The following ZNF609 variants were observed in gnomAD, a reference collection of about 807,000 sequenced individuals.
ZNF609 encodes zinc finger protein 609.
In ZNF609, 11 loss-of-function variants were observed where a neutral mutation model predicts 109.5. The observed-to-expected ratio is 0.10, with a 90% confidence interval of 0.06 to 0.17. The LOEUF (loss-of-function observed/expected upper bound fraction) is 0.17. Among genes scored for constraint, ZNF609 ranks in the 10% least tolerant of loss-of-function variants. The pLI is 1.00. For missense variants in ZNF609, 1,559 were observed against 1,772.4 expected (o/e 0.88, Z 2.16); for synonymous variants, 646 against 662.0 (o/e 0.98, Z 0.37).
At chr15:64,482,301 G>A (rs1487533548) in intron 1 of ZNF609, among the ~76,000 whole-genome samples, 1 of 151,834 alleles carries the variant, frequency 6.6e-6, no homozygotes, top group Middle Eastern at 3.2e-3. Flanking sequence ...AAATCCTCTA[G>A]AAAGTACAGA....
intron 2 of ZNF609, among the ~76,000 whole-genome samples, chr15:64,557,117 T>G (rs142426469): frequency 5.3e-5 from 8 of 152,176 alleles, no homozygotes; most frequent in African/African-American, 7.2e-5. Flanking sequence ...ATTTGGTATG[T>G]CACATATTAT....
chr15:64,529,488 C>G, intron 2 of ZNF609: 1 of 1,100,832 alleles, frequency 9.1e-7, no homozygotes, highest in Non-Finnish European at 1.4e-6. Flanking sequence ...CGTTCTCAGC[C>G]TTGACGGTGC....
At chr15:64,590,313 C>T (rs1331692371) in intron 2 of ZNF609, among the ~76,000 whole-genome samples, 2 of 152,108 alleles carry the variant, frequency 1.3e-5, no homozygotes, top group Non-Finnish European at 1.5e-5. Context: ...AAATTGATCT[C>T]TCTCTCTCTT....
At chr15:64,526,205 T>C (rs1186829087) in intron 2 of ZNF609, among the ~76,000 whole-genome samples, 8 of 151,998 alleles carry the variant, frequency 5.3e-5, no homozygotes, top group Admixed American at 1.3e-4. Flanking sequence ...TTCTTTTAGA[T>C]GTTATTTTAA....
At chr15:64,628,935 A>G (rs1415289088) in intron 3 of ZNF609, among the ~76,000 whole-genome samples, 3 of 151,812 alleles carry the variant, frequency 2.0e-5, no homozygotes, top group Non-Finnish European at 4.4e-5. Flanking sequence ...CCTGCTCACT[A>G]TTGTAATAAC....
chr15:64,515,526 T>A (rs1844723087), intron 2 of ZNF609, among the ~76,000 whole-genome samples: 1 of 152,168 alleles, frequency 6.6e-6, no homozygotes, highest in Non-Finnish European at 1.5e-5. Context: ...CTCTTGGTAT[T>A]TGCCCCTCAG....
intron 1 of ZNF609, among the ~76,000 whole-genome samples, chr15:64,482,645 T>A (rs1274055332): frequency 6.6e-6 from 1 of 152,144 alleles, no homozygotes; most frequent in Non-Finnish European, 1.5e-5. Context: ...GATTAAAGAT[T>A]GAGATGATTT....
intron 3 of ZNF609, among the ~76,000 whole-genome samples, chr15:64,624,563 C>G (rs961661977): frequency 3.9e-5 from 6 of 151,902 alleles, no homozygotes; most frequent in Non-Finnish European, 4.4e-5. Context: ...GTGAACCTAA[C>G]AAAAACTTTG....
At chr15:64,541,585 A>C (rs1420646259) in intron 2 of ZNF609, among the ~76,000 whole-genome samples, 1 of 151,858 alleles carries the variant, frequency 6.6e-6, no homozygotes, top group Non-Finnish European at 1.5e-5. Flanking sequence ...TCATGCCTGT[A>C]ATCCCAACAC....
At chr15:64,497,874 C>T (rs1893506987) in intron 1 of ZNF609, among the ~76,000 whole-genome samples, 1 of 149,690 alleles carries the variant, frequency 6.7e-6, no homozygotes, top group South Asian at 2.1e-4. Flanking sequence ...GCACTTGAGC[C>T]TGGGCAACAG....
At position 64,680,731 on chromosome 15, in the gene ZNF609, C is replaced by T. The variant is rs1896872232; in HGVS notation, c.4031C>T (p.Ala1344Val). Reference sequence around the variant, plus strand: ...GGCAGCTGTAGCAGCGTCGGGGGAGCAAGTGGGGGTGAACGGAGTGTTGAC... The same window carrying T: ...GGCAGCTGTAGCAGCGTCGGGGGAGTAAGTGGGGGTGAACGGAGTGTTGAC... The part of the protein sequence containing the change: ...GGGSCSSVGG[A>V]SGGERSVDRP... Residue 1344 changes from alanine (A) to valine (V), a missense_variant, in exon 8 of 10, where the codon GCA (alanine) becomes GTA (valine). Transcript: ENST00000326648. 12 of 1,613,036 alleles carry T rather than the reference C, an allele frequency of 7.4e-6. No homozygotes were observed. Among genetic ancestry groups the T allele is most frequent in the Non-Finnish European group, 1.0e-5 (12 of 1,179,880 alleles).
chr15:64,581,812 C>T (rs1895109269), intron 2 of ZNF609, among the ~76,000 whole-genome samples: 1 of 152,086 alleles, frequency 6.6e-6, no homozygotes, highest in East Asian at 1.9e-4. Flanking sequence ...TGTTGTAAGC[C>T]TTTGGTGTTA....
At chr15:64,487,200 C>G (rs1596380891) in intron 1 of ZNF609, among the ~76,000 whole-genome samples, 1 of 152,026 alleles carries the variant, frequency 6.6e-6, no homozygotes, top group African/African-American at 2.4e-5. Context: ...AGTCAAACAT[C>G]AAGTAATCTG....
chr15:64,599,177 T>G (rs902690319), intron 2 of ZNF609, among the ~76,000 whole-genome samples: 3 of 147,246 alleles, frequency 2.0e-5, no homozygotes, highest in Non-Finnish European at 3.0e-5. Flanking sequence ...GGTTTTTTTT[T>G]TTTTTTTTTT....
chr15:64,638,529 G>A (rs182647572), intron 3 of ZNF609, among the ~76,000 whole-genome samples: 317 of 151,930 alleles, frequency 2.1e-3, no homozygotes, highest in Non-Finnish European at 3.5e-3. Context: ...AAACTCAGCA[G>A]TTACTGAGGG....
chr15:64,483,568 T>C (rs999403169), intron 1 of ZNF609, among the ~76,000 whole-genome samples: 3 of 151,940 alleles, frequency 2.0e-5, no homozygotes, highest in Non-Finnish European at 4.4e-5. Context: ...CTTATTTTAG[T>C]AGAGACAAGG....
At chr15:64,609,510 A>G (rs1180592534) in intron 2 of ZNF609, among the ~76,000 whole-genome samples, 1 of 150,090 alleles carries the variant, frequency 6.7e-6, no homozygotes, top group Non-Finnish European at 1.5e-5. Context: ...GGGTTTCATC[A>G]TGTTGTCCAG....
In ZNF609 at chr15:64,680,683, G is replaced by C; in HGVS notation, c.3983G>C (p.Gly1328Ala). The change falls in exon 8 of 10, where the codon GGC becomes GCC. Residue 1328 changes from glycine (G) to alanine (A), a missense_variant. Physicochemically the swap from Gly to Ala is moderately conservative, Grantham distance 60. Around this residue, in one of 4 missense-constraint regions of ZNF609, gnomAD observed 1,204 missense variants for 1,314.1 expected, o/e 0.92. Transcript: ENST00000326648. ...ACTTCTCAGGAGAGAGATCGAGGAG[G>C]CTGTGGGGTGGTTGGGGGTGGTGGC... ...DKTSQERDRG[G>A]CGVVGGGGSC... 4 of 1,610,416 alleles carry C rather than the reference G, an allele frequency of 2.5e-6. No homozygotes were observed. Among genetic ancestry groups the C allele is most frequent in the Non-Finnish European group, 3.4e-6 (4 of 1,178,280 alleles).
intron 2 of ZNF609, among the ~76,000 whole-genome samples, chr15:64,599,992 G>A: frequency 6.6e-6 from 1 of 152,104 alleles, no homozygotes; most frequent in East Asian, 1.9e-4. Context: ...GTTCACTTCT[G>A]TTATGATTAT....
Sources: allele counts gnomAD v4.1 joint callset (sites outside exome capture counted in the v4.1 genomes callset), GRCh38; gene constraint gnomAD v4.1.1; regional missense constraint gnomAD v4.1.1; transcripts MANE v1.5; gene names NCBI Gene and HGNC (gene_info 2026-07-23, HGNC 2026-07-21).